Variants in MAP2K6 observed in about 807,000 individuals in gnomAD.
The protein encoded by MAP2K6 is dual specificity mitogen-activated protein kinase kinase 6.
In MAP2K6, 16 loss-of-function variants were observed where a neutral mutation model predicts 53.7. The observed-to-expected ratio is 0.30, with a 90% confidence interval of 0.20 to 0.45. MAP2K6 has a LOEUF of 0.45. Among genes scored for constraint, MAP2K6 ranks in the 20% least tolerant of loss-of-function variants. The pLI, the probability that MAP2K6 is intolerant of heterozygous loss-of-function variation, is 1.00. For missense variants in MAP2K6, 204 were observed against 411.9 expected (o/e 0.50, Z 4.37); for synonymous variants, 132 against 143.1 (o/e 0.92, Z 0.55).
chr17:69,502,291 C>A (rs1042471665), intron 1 of MAP2K6: 4 of 985,252 alleles, frequency 4.1e-6, no homozygotes, highest in Admixed American at 6.1e-5. Flanking sequence ...GAAGTGTGGT[C>A]TTTGGAGCTA....
intron 1 of MAP2K6, among the ~76,000 whole-genome samples, chr17:69,418,440 C>G (rs1016862973): frequency 6.6e-6 from 1 of 151,948 alleles, no homozygotes; most frequent in African/African-American, 2.4e-5. Context: ...CATAAATAAC[C>G]CTTGTTCATT....
At chr17:69,480,255 A>G (rs1376574160) in intron 1 of MAP2K6, among the ~76,000 whole-genome samples, 1 of 152,212 alleles carries the variant, frequency 6.6e-6, no homozygotes, top group East Asian at 1.9e-4. Flanking sequence ...TCCCCAGCAC[A>G]TGAAACACCA....
At chr17:69,463,828 G>A (rs1022819692) in intron 1 of MAP2K6, among the ~76,000 whole-genome samples, 6 of 151,740 alleles carry the variant, frequency 4.0e-5, no homozygotes, top group Admixed American at 2.6e-4. Context: ...GACCAGCCTG[G>A]CCAACATGAT....
In MAP2K6 at chr17:69,544,566, A is replaced by G. The variant is rs559108627; in HGVS notation, c.*2813A>G. ...CTGAATATCAGCCCTGTCTACACCT[A>G]TCAATGTATTACAAAATCAGTATAG... On this transcript the variant is annotated 3_prime_UTR_variant, in exon 12 of 12. Coordinates refer to ENST00000590474, the MANE Select transcript of MAP2K6 (RefSeq NM_002758.4). The G allele has an allele frequency of 2.6e-5, 4 of 152,342 alleles. No homozygotes were observed. Among genetic ancestry groups the G allele is most frequent in the South Asian group, 2.1e-4 (1 of 4,828 alleles). The allele number at this position is 152,342 out of a possible 1,614,324, so 9.4% of individuals were successfully genotyped here. A position where few individuals can be genotyped will look rare whatever the true frequency, so the allele number is the denominator to read the frequency against.
Position 69,523,635 on chromosome 17 carries a change from C to T in MAP2K6, c.657C>T (p.Tyr219=), listed in dbSNP as rs761141435. ...AKTIDAGCKP[Y]MAPERINPEL... is the part of the protein sequence containing the mutation. ...CAATTGATGCAGGTTGCAAACCATA[C>T]ATGGCCGTAAGTACATTAGCTAGGG... Residue 219 remains tyrosine, a synonymous_variant, in exon 8 of 12, where the codon TAC becomes TAT. Coordinates refer to ENST00000590474, the MANE Select transcript of MAP2K6 (RefSeq NM_002758.4). 1.9e-6 allele frequency: 3 copies of T among 1,614,036 alleles called. No individual in the cohort carries two copies. The highest frequency in any genetic ancestry group is 1.7e-5 in the Admixed American group (1 of 60,022).
intron 1 of MAP2K6, among the ~76,000 whole-genome samples, chr17:69,445,860 T>TG (rs1437410135): frequency 6.6e-6 from 1 of 152,234 alleles, no homozygotes; most frequent in Non-Finnish European, 1.5e-5. Context: ...TTCTCTAATC[T>TG]GGCTTGGAAA....
intron 1 of MAP2K6, among the ~76,000 whole-genome samples, chr17:69,474,289 C>CTCTGCT (rs1400727595): frequency 3.9e-5 from 6 of 152,190 alleles, no homozygotes; most frequent in African/African-American, 1.4e-4. Context: ...ATATAAAGTA[C>CTCTGCT]TGATTGATGA....
intron 1 of MAP2K6, among the ~76,000 whole-genome samples, chr17:69,480,812 A>C (rs988001433): frequency 6.6e-5 from 10 of 152,154 alleles, no homozygotes; most frequent in African/African-American, 2.4e-4. Context: ...AAAATGGAAA[A>C]ATTTAATGGT....
intron 1 of MAP2K6, among the ~76,000 whole-genome samples, chr17:69,438,489 T>C (rs1242197367): frequency 6.6e-6 from 1 of 152,250 alleles, no homozygotes; most frequent in East Asian, 1.9e-4. Flanking sequence ...TATCTGACTC[T>C]CTTTAGCCTG....
intron 1 of MAP2K6, among the ~76,000 whole-genome samples, chr17:69,424,912 G>A (rs931393481): frequency 1.3e-5 from 2 of 152,282 alleles, no homozygotes; most frequent in East Asian, 3.9e-4. Flanking sequence ...ATAGTTACTG[G>A]TCTGGATATA....
intron 1 of MAP2K6, among the ~76,000 whole-genome samples, chr17:69,439,653 G>C (rs1906755835): frequency 1.3e-5 from 2 of 152,114 alleles, no homozygotes; most frequent in African/African-American, 4.8e-5. Context: ...TGTTATCTTT[G>C]CTCTCTGTGC....
At chr17:69,469,607 C>A (rs1162274407) in intron 1 of MAP2K6, among the ~76,000 whole-genome samples, 3 of 151,854 alleles carry the variant, frequency 2.0e-5, no homozygotes, top group African/African-American at 4.8e-5. Flanking sequence ...ACGAAAAATA[C>A]AAAAAATTAG....
chr17:69,441,761 A>G (rs1906825491), intron 1 of MAP2K6, among the ~76,000 whole-genome samples: 1 of 152,130 alleles, frequency 6.6e-6, no homozygotes, highest in Admixed American at 6.6e-5. Context: ...CTCCTCTGAC[A>G]CTAACCTGGT....
At chr17:69,500,314 C>T (rs1368993922) in intron 1 of MAP2K6, among the ~76,000 whole-genome samples, 1 of 151,680 alleles carries the variant, frequency 6.6e-6, no homozygotes, top group East Asian at 1.9e-4. Flanking sequence ...GTGGCACGTG[C>T]CTGTATTCCC....
chr17:69,487,373 C>T (rs1038458169), intron 1 of MAP2K6, among the ~76,000 whole-genome samples: 1 of 152,186 alleles, frequency 6.6e-6, no homozygotes, highest in Non-Finnish European at 1.5e-5. Flanking sequence ...TTAAGCAATT[C>T]GTGTGAAATG....
At chr17:69,523,816 C>CATA (rs1910619109) in intron 8 of MAP2K6, among the ~76,000 whole-genome samples, 175 bp downstream of exon 8, 1 of 152,142 alleles carries the variant, frequency 6.6e-6, no homozygotes, top group Non-Finnish European at 1.5e-5. Flanking sequence ...TCACTTGCTT[C>CATA]GTATATTGTC....
chr17:69,504,162 T>TTTC (rs10625256), intron 1 of MAP2K6, among the ~76,000 whole-genome samples: 84,491 of 151,614 alleles, frequency 0.56, 23,764 homozygotes, highest in Middle Eastern at 0.69. Context: ...TTTTAATTGG[T>TTTC]TTAAGTTTCT....
At chr17:69,481,056 A>G (rs1908334504) in intron 1 of MAP2K6, among the ~76,000 whole-genome samples, 1 of 152,222 alleles carries the variant, frequency 6.6e-6, no homozygotes, top group African/African-American at 2.4e-5. Context: ...GGCATTAAGT[A>G]CATCCACATT....
intron 11 of MAP2K6, among the ~76,000 whole-genome samples, chr17:69,538,232 T>C (rs1361517832): frequency 6.6e-6 from 1 of 152,228 alleles, no homozygotes; most frequent in Non-Finnish European, 1.5e-5. Context: ...TATTTCTGGC[T>C]ACTTTTTCTT....
Sources: allele counts gnomAD v4.1 joint callset (sites outside exome capture counted in the v4.1 genomes callset), GRCh38; gene constraint gnomAD v4.1.1; transcripts MANE v1.5; gene names NCBI Gene and HGNC (gene_info 2026-07-23, HGNC 2026-07-21).